C12orf50: variants seen among roughly 807,000 people sequenced by gnomAD.
The protein encoded by C12orf50 is zinc finger CCCH-type containing 11D, also known as uncharacterized protein C12orf50.
In C12orf50, 35 loss-of-function variants were observed where a neutral mutation model predicts 61.6. The ratio of observed to expected loss-of-function variants is 0.57; its 90% CI spans 0.43 to 0.75. C12orf50 has a LOEUF of 0.75. C12orf50 is among the 30% of genes least tolerant of loss of function. The probability of loss-of-function intolerance (pLI) is 0.00; values close to 1 mark genes in which losing one functional copy is unlikely to be tolerated. For missense variants in C12orf50, 475 were observed against 488.5 expected (o/e 0.97, Z 0.26); for synonymous variants, 178 against 161.5 (o/e 1.10, Z -0.77).
At chr12:88,006,774 C>T (rs1442411455) in intron 3 of C12orf50, among the ~76,000 whole-genome samples, 1 of 152,224 alleles carries the variant, frequency 6.6e-6, no homozygotes, top group South Asian at 2.1e-4. Flanking sequence ...CTTTCTCCCC[C>T]CAGAAAGGTA....
intron 3 of C12orf50, among the ~76,000 whole-genome samples, chr12:88,017,444 G>T (rs986781780): frequency 1.3e-5 from 2 of 152,096 alleles, no homozygotes; most frequent in African/African-American, 4.8e-5. Flanking sequence ...TTTGTAAATT[G>T]CTCAGTCTCA....
intron 6 of C12orf50, among the ~76,000 whole-genome samples, chr12:87,995,897 A>C (rs555857016): frequency 3.0e-4 from 45 of 152,344 alleles, no homozygotes; most frequent in African/African-American, 1.1e-3. Context: ...CATAAAAAGC[A>C]GAGCCTTCGA....
chr12:88,001,237 A>G (rs890499679), intron 3 of C12orf50, among the ~76,000 whole-genome samples: 1 of 151,542 alleles, frequency 6.6e-6, no homozygotes, highest in South Asian at 2.1e-4. Flanking sequence ...ACTGTTTTTT[A>G]TTCATCTGTT....
rs2030379661 is a variant in C12orf50 at position 87,980,063 on chromosome 12, T to C, written c.*268A>G. The C allele has an allele frequency of 2.4e-5, 10 of 408,262 alleles. No homozygotes were observed. Among genetic ancestry groups the C allele is most frequent in the Admixed American group, 8.5e-5 (2 of 23,522 alleles). 25.3% of individuals were successfully genotyped at this position (408,262 alleles called of 1,614,324 possible). On this transcript the variant is annotated 3_prime_UTR_variant, in exon 13 of 13. Transcript: ENST00000298699. Reference sequence around the variant, plus strand: ...TAATTGTCAAACTTTTAAATTTTATTAAAATGTTTGGAGTAATGCACGGAA... The same window carrying C: ...TAATTGTCAAACTTTTAAATTTTATCAAAATGTTTGGAGTAATGCACGGAA...
chr12:88,029,214 AG>A, intron 1 of C12orf50, 125 bp downstream of exon 1: 1 of 717,756 alleles, frequency 1.4e-6, no homozygotes, highest in Non-Finnish European at 2.0e-6. Context: ...TCAGTGTGTA[AG>A]GGGGAAAAAT....
chr12:88,010,874 A>G (rs2032083737), intron 3 of C12orf50, among the ~76,000 whole-genome samples: 1 of 152,078 alleles, frequency 6.6e-6, no homozygotes, highest in African/African-American at 2.4e-5. Flanking sequence ...CCTCTCTACA[A>G]TGGTTGAAAC....
intron 3 of C12orf50, among the ~76,000 whole-genome samples, chr12:88,021,749 G>T (rs1188386259): frequency 6.6e-6 from 1 of 152,038 alleles, no homozygotes; most frequent in East Asian, 1.9e-4. Context: ...TAGAAGAAAT[G>T]AATATATTCC....
At chr12:88,026,658 C>A (rs1160137080) in intron 2 of C12orf50, 50 bp from the exon 3 acceptor site, 1 of 1,595,176 alleles carries the variant, frequency 6.3e-7, no homozygotes, top group Non-Finnish European at 8.5e-7. Context: ...GCCATATTTA[C>A]AACAAATACA....
At chr12:88,007,670 T>C (rs1430090071) in intron 3 of C12orf50, among the ~76,000 whole-genome samples, 2 of 152,216 alleles carry the variant, frequency 1.3e-5, no homozygotes, top group African/African-American at 4.8e-5. Context: ...AACATGGATT[T>C]TGGAGAAATA....
intron 3 of C12orf50, among the ~76,000 whole-genome samples, chr12:88,021,977 C>T (rs1297952546): frequency 1.3e-5 from 2 of 151,922 alleles, no homozygotes; most frequent in Non-Finnish European, 2.9e-5. Flanking sequence ...AAGGACTCCT[C>T]CCTAACTCAT....
At chr12:87,990,063 G>A (rs1011748180) in intron 7 of C12orf50, among the ~76,000 whole-genome samples, 1 of 152,140 alleles carries the variant, frequency 6.6e-6, no homozygotes, top group African/African-American at 2.4e-5. Flanking sequence ...CTAAATTGTT[G>A]TAAAACATTG....
At chr12:88,012,150 T>C (rs1446319829) in intron 3 of C12orf50, among the ~76,000 whole-genome samples, 1 of 152,228 alleles carries the variant, frequency 6.6e-6, no homozygotes, top group Admixed American at 6.5e-5. Flanking sequence ...CCACTCTTTA[T>C]GACCAAGGGA....
At chr12:88,008,762 A>G (rs918574923) in intron 3 of C12orf50, among the ~76,000 whole-genome samples, 12 of 151,950 alleles carry the variant, frequency 7.9e-5, no homozygotes, top group East Asian at 1.9e-4. Flanking sequence ...CATTCACACA[A>G]TTTTCCTTCC....
intron 3 of C12orf50, among the ~76,000 whole-genome samples, chr12:88,016,181 TA>T (rs2136478069): frequency 6.6e-6 from 1 of 152,266 alleles, no homozygotes; most frequent in South Asian, 2.1e-4. Context: ...AATTTTATCT[TA>T]TTTTAACCTG....
At chr12:87,985,151 C>T (rs1263710744) in intron 11 of C12orf50, 1 of 151,694 alleles carries the variant, frequency 6.6e-6, no homozygotes, top group African/African-American at 2.4e-5. Flanking sequence ...TTCAGAACTC[C>T]ACTAACTAAA....
intron 9 of C12orf50, 25 bp from the exon 10 acceptor site, chr12:87,986,441 AT>A (rs758515245): frequency 9.8e-6 from 15 of 1,523,300 alleles, no homozygotes; most frequent in Non-Finnish European, 1.3e-5. Context: ...AAATTTTACA[AT>A]TTTTTAAGAG....
rs151158064 is a variant in C12orf50, at chr12:88,025,351, T to C, written c.133+1137A>G. Among the ~76,000 whole-genome samples, 616 of 152,206 alleles carry C rather than the reference T, an allele frequency of 4.0e-3. 4 individuals carry two copies. Among genetic ancestry groups the C allele is most frequent in the African/African-American group, 0.014 (584 of 41,526 alleles). On this transcript the variant is annotated intron_variant, in intron 3 of 12. Transcript: ENST00000298699. ...ATGTGGTGACAGAAATATGCAGAAG[T>C]TCTCTTCTTATTAAAAGTTTCTCAG... is the stretch of plus-strand genomic sequence containing the variant.
intron 1 of C12orf50, 25 bp from the exon 2 acceptor site, chr12:88,027,095 GA>G (rs2032735986): frequency 1.3e-6 from 2 of 1,577,126 alleles, no homozygotes; most frequent in African/African-American, 2.7e-5. Context: ...AAACAGTGTA[GA>G]AAGCTCAATA....
intron 6 of C12orf50, 39 bp downstream of exon 6, chr12:87,996,335 G>A (rs2031389132): frequency 7.4e-7 from 1 of 1,355,674 alleles, no homozygotes; most frequent in African/African-American, 1.4e-5. Flanking sequence ...CCAAGTATAT[G>A]TTATAGATCA....
Sources: gnomAD v4.1 joint callset for allele counts (sites outside exome capture counted in the v4.1 genomes callset) on GRCh38, gnomAD v4.1.1 for gene constraint, MANE v1.5 for transcripts, NCBI Gene and HGNC (gene_info 2026-07-23, HGNC 2026-07-21) for gene names.